The following MDFIC variants were observed in gnomAD, a reference collection of about 807,000 sequenced individuals.
MDFIC encodes MyoD family inhibitor domain containing.
MDFIC carries 17 observed loss-of-function variants against 23.2 expected under a neutral mutation model. The ratio of observed to expected loss-of-function variants is 0.73; its 90% CI spans 0.50 to 1.10. The LOEUF is 1.10. Among genes scored for constraint, MDFIC ranks in the 50% least tolerant of loss-of-function variants. The pLI, the probability that MDFIC is intolerant of heterozygous loss-of-function variation, is 0.00. For synonymous variants in MDFIC, 120 were observed against 115.2 expected (o/e 1.04, Z -0.27); for missense variants, 356 against 316.6 (o/e 1.12, Z -0.95).
rs1045177275 is a variant in MDFIC, at chr7:115,019,338, A to G, written c.*3403A>G. On this transcript the variant is annotated 3_prime_UTR_variant, in exon 5 of 5. Transcript: ENST00000393486. ...ATTTTTTCATTTTTACAGTGTATCA[A>G]CTGTATCCATTTTCCTCACCTGGAT... The G allele has an allele frequency of 3.9e-5, 6 of 152,050 alleles. No individual in the cohort carries two copies. The highest frequency in any genetic ancestry group is 2.0e-4 in the Admixed American group (3 of 15,262). 9.4% of individuals were successfully genotyped at this position (152,050 alleles called of 1,614,324 possible).
chr7:114,992,283 C>T (rs1344078630), intron 4 of MDFIC, among the ~76,000 whole-genome samples: 9 of 152,266 alleles, frequency 5.9e-5, no homozygotes, highest in South Asian at 2.1e-4. Context: ...TATACAATTA[C>T]GTCATCTGCA....
At chr7:114,985,979 A>G (rs939323627) in intron 4 of MDFIC, among the ~76,000 whole-genome samples, 1 of 151,802 alleles carries the variant, frequency 6.6e-6, no homozygotes, top group South Asian at 2.1e-4. Context: ...ACCTGTAGCC[A>G]ATACTGCTAT....
rs150958977 is a variant in MDFIC, at chr7:114,941,429, A to C, written c.95-846A>C. Among the ~76,000 whole-genome samples the C allele has an allele frequency of 1.6e-3, 246 of 152,286 alleles. 1 individual carries two copies. Among genetic ancestry groups the C allele is most frequent in the African/African-American group, 5.5e-3 (230 of 41,564 alleles). The stretch of plus-strand genomic sequence containing the variant: ...GTCCAGAGAGTTGGAACCTTTGCCC[A>C]AACGTCTGCTTTTGGAGTTTGCCCG... On this transcript the variant is annotated intron_variant, in intron 2 of 4. Coordinates refer to ENST00000393486, the MANE Select transcript of MDFIC (RefSeq NM_001166345.3).
At chr7:114,939,920 T>C (rs1280953540) in intron 2 of MDFIC, among the ~76,000 whole-genome samples, 1 of 152,162 alleles carries the variant, frequency 6.6e-6, no homozygotes, top group East Asian at 1.9e-4. Context: ...TACATAACAA[T>C]GGCAGCAAGT....
chr7:114,925,758 A>G (rs879671939), intron 2 of MDFIC, among the ~76,000 whole-genome samples: 2 of 152,158 alleles, frequency 1.3e-5, no homozygotes, highest in Admixed American at 1.3e-4. Context: ...GGAAATCCAG[A>G]TTTTTATGTA....
At chr7:115,014,641 C>T in intron 4 of MDFIC, 1 of 724,068 alleles carries the variant, frequency 1.4e-6, no homozygotes, top group South Asian at 2.5e-5. Context: ...GGAACCCACA[C>T]AAAACAACCC....
rs1307361671 is a variant in MDFIC at position 115,017,423 on chromosome 7, T to G, written c.*1488T>G. ...TTATTTTGAGAGCTTTAGGTCTTTT[T>G]GGGATGAGAACATTTTAGTTGTTTA... On this transcript the variant is annotated 3_prime_UTR_variant, in exon 5 of 5. Transcript: ENST00000393486. 1 of 152,428 alleles carries G rather than the reference T, an allele frequency of 6.6e-6. No homozygotes were observed. Among genetic ancestry groups the G allele is most frequent in the Non-Finnish European group, 1.5e-5 (1 of 67,976 alleles). 9.4% of individuals were successfully genotyped at this position (152,428 alleles called of 1,614,324 possible).
At chr7:114,957,798 G>A (rs953496229) in intron 3 of MDFIC, among the ~76,000 whole-genome samples, 2 of 152,172 alleles carry the variant, frequency 1.3e-5, no homozygotes, top group Non-Finnish European at 2.9e-5. Flanking sequence ...TGCTCATTTA[G>A]GAGTAGTTAC....
At chr7:114,956,594 T>C (rs1428837441) in intron 3 of MDFIC, among the ~76,000 whole-genome samples, 2 of 151,872 alleles carry the variant, frequency 1.3e-5, no homozygotes, top group Non-Finnish European at 2.9e-5. Flanking sequence ...TGATATGAGG[T>C]GGGGAAGGCA....
At position 114,959,758 on chromosome 7, in the gene MDFIC, TA is replaced by T. The variant is rs561746908; in HGVS notation, c.217+17369del. Reference sequence around the variant, plus strand: ...TAGATACAAACATAGAATGGTGCTTTAAAAAAAATAATGGAAGATACACCTG... The same window carrying T: ...TAGATACAAACATAGAATGGTGCTTTAAAAAAATAATGGAAGATACACCTG... On this transcript the variant is annotated intron_variant, in intron 3 of 4. Transcript: ENST00000393486. 4.7e-3 allele frequency among the ~76,000 whole-genome samples: 712 copies of T among 151,130 alleles called. 6 individuals carry two copies. Among genetic ancestry groups the T allele is most frequent in the African/African-American group, 0.017 (683 of 41,250 alleles).
intron 4 of MDFIC, among the ~76,000 whole-genome samples, chr7:115,005,565 C>T (rs995977070): frequency 1.3e-5 from 2 of 152,112 alleles, no homozygotes; most frequent in African/African-American, 4.8e-5. Flanking sequence ...CTCAGGAAGA[C>T]GGTTTTAATT....
At chr7:114,938,659 T>C (rs1180783382) in intron 2 of MDFIC, among the ~76,000 whole-genome samples, 1 of 152,206 alleles carries the variant, frequency 6.6e-6, no homozygotes, top group Non-Finnish European at 1.5e-5. Context: ...GAAGGCCCCC[T>C]TTTAAGAGAA....
chr7:114,982,310 T>A (rs1391349023), intron 4 of MDFIC, among the ~76,000 whole-genome samples: 1 of 152,124 alleles, frequency 6.6e-6, no homozygotes, highest in Non-Finnish European at 1.5e-5. Context: ...TAAAAATGGA[T>A]GGAAATGATT....
chr7:114,985,187 G>A (rs769713045), intron 4 of MDFIC, among the ~76,000 whole-genome samples: 1 of 152,120 alleles, frequency 6.6e-6, no homozygotes. Context: ...TCTCTAAAAT[G>A]GTGATATTAT....
chr7:114,996,190 ACAAGGT>A (rs1204780602), intron 4 of MDFIC, among the ~76,000 whole-genome samples: 2 of 152,226 alleles, frequency 1.3e-5, no homozygotes, highest in Non-Finnish European at 2.9e-5. Flanking sequence ...CTACAGGTAC[ACAAGGT>A]CCCAAAAAGC....
At chr7:114,936,749 C>T (rs1416987294) in intron 2 of MDFIC, among the ~76,000 whole-genome samples, 1 of 152,132 alleles carries the variant, frequency 6.6e-6, no homozygotes, top group African/African-American at 2.4e-5. Context: ...ATATCTATCT[C>T]TGAGACTGTT....
intron 4 of MDFIC, among the ~76,000 whole-genome samples, chr7:115,011,806 AT>A (rs1461175546): frequency 6.6e-6 from 1 of 152,182 alleles, no homozygotes; most frequent in Admixed American, 6.5e-5. Context: ...ATCTCTCTTC[AT>A]CCTCAGGGCT....
intron 2 of MDFIC, 139 bp downstream of exon 2, chr7:114,923,266 C>T (rs558818592): frequency 6.0e-5 from 77 of 1,284,596 alleles, no homozygotes; most frequent in Non-Finnish European, 8.1e-5. Flanking sequence ...GCACAGTTCG[C>T]GTTACTCAGG....
At chr7:114,967,444 C>T (rs1239294516) in intron 3 of MDFIC, among the ~76,000 whole-genome samples, 3 of 152,018 alleles carry the variant, frequency 2.0e-5, no homozygotes, top group African/African-American at 4.8e-5. Context: ...ATTATGAGGG[C>T]AATAGTCAGA....
Sources: gnomAD v4.1 joint callset for allele counts (sites outside exome capture counted in the v4.1 genomes callset) on GRCh38, gnomAD v4.1.1 for gene constraint, MANE v1.5 for transcripts, NCBI Gene and HGNC (gene_info 2026-07-23, HGNC 2026-07-21) for gene names.